CSNK2A1: variants seen among roughly 807,000 people sequenced by gnomAD.
The protein encoded by CSNK2A1 is casein kinase 2 alpha 1, also known as casein kinase II subunit alpha.
Under a neutral mutation model 62.9 loss-of-function variants are expected in CSNK2A1, and 10 were observed. The ratio of observed to expected loss-of-function variants is 0.16; its 90% CI spans 0.10 to 0.27. The LOEUF (loss-of-function observed/expected upper bound fraction) is 0.27, where lower values mean the gene tolerates loss of function less well. CSNK2A1 is among the 10% of genes least tolerant of loss of function. The probability of loss-of-function intolerance (pLI) is 1.00; values close to 1 mark genes in which losing one functional copy is unlikely to be tolerated. For synonymous variants in CSNK2A1, 124 were observed against 167.8 expected, an observed-to-expected ratio of 0.74 and a Z score of 2.02; for missense variants, 160 against 492.0, an observed-to-expected ratio of 0.33 and a Z score of 6.38.
At position 483,964 on chromosome 20, in the gene CSNK2A1, C is replaced by T. The variant is rs1216455285; in HGVS notation, c.1173G>A (p.Gln391=). 3 of 1,611,754 alleles carry T rather than the reference C, an allele frequency of 1.9e-6. No homozygotes were observed. The highest frequency in any genetic ancestry group is 4.5e-5 in the East Asian group (2 of 44,652). Residue 391 remains glutamine, a synonymous_variant, in exon 14 of 14, where the codon CAG becomes CAA. Coordinates refer to ENST00000217244, the MANE Select transcript of CSNK2A1 (RefSeq NM_177559.3). ...MPVPAAAGAQ[Q] is the part of the protein sequence containing the mutation. The stretch of plus-strand genomic sequence containing the variant: ...CATCAGGAGACAGATAGGGCCGTTA[C>T]TGCTGAGCGCCAGCGGCAGCTGGAA...
chr20:495,639 A>G, intron 8 of CSNK2A1, 80 bp downstream of exon 8: 1 of 1,245,124 alleles, frequency 8.0e-7, no homozygotes, highest in East Asian at 2.3e-5. Flanking sequence ...GGCCTGTGAC[A>G]ACACAAGGGA....
rs1178926037 is a variant in CSNK2A1, at chr20:483,033, TACAG to T, written c.*924_*927del. The T allele has an allele frequency of 6.6e-6, 1 of 152,274 alleles. No homozygotes were observed. The highest frequency in any genetic ancestry group is 2.4e-5 in the African/African-American group (1 of 41,442). 9.4% of individuals were successfully genotyped at this position (152,274 alleles called of 1,614,324 possible). On this transcript the variant is annotated 3_prime_UTR_variant, in exon 14 of 14. Transcript: ENST00000217244. ...CCCATTAGCTCTAGCATGAAACCTGTACAGACAATGTTTGTTTCTTTTGTAAAAA... is the reference window on the plus strand; with the variant it reads ...CCCATTAGCTCTAGCATGAAACCTGTACAATGTTTGTTTCTTTTGTAAAAA...
At chr20:505,375 T>TTC (rs2018555371) in intron 3 of CSNK2A1, 146 bp from the exon 4 acceptor site, 2 of 637,360 alleles carry the variant, frequency 3.1e-6, no homozygotes, top group African/African-American at 3.9e-5. Flanking sequence ...TTTTTTTTTT[T>TTC]TGGAGATGGA....
chr20:541,332 A>G (rs2019444391), intron 1 of CSNK2A1, among the ~76,000 whole-genome samples: 1 of 152,198 alleles, frequency 6.6e-6, no homozygotes, highest in African/African-American at 2.4e-5. Context: ...TCTGGGGATC[A>G]AGGTATGGCA....
At chr20:520,983 A>G (rs551260231) in intron 2 of CSNK2A1, among the ~76,000 whole-genome samples, 278 of 150,840 alleles carry the variant, frequency 1.8e-3, no homozygotes, top group Middle Eastern at 3.4e-3. Flanking sequence ...TCTGGGGGGG[A>G]AAAAAAAAGA....
chr20:522,363 G>C (rs1389621917), intron 2 of CSNK2A1, among the ~76,000 whole-genome samples: 2 of 152,204 alleles, frequency 1.3e-5, no homozygotes, highest in African/African-American at 2.4e-5. Context: ...ATATGCCCCT[G>C]ATATAATGTG....
intron 1 of CSNK2A1, among the ~76,000 whole-genome samples, chr20:537,822 T>A (rs534365924): frequency 6.6e-6 from 1 of 152,244 alleles, no homozygotes. Flanking sequence ...AGTATCACAT[T>A]ATTTATTACC....
At chr20:519,314 T>C (rs189512410) in intron 2 of CSNK2A1, among the ~76,000 whole-genome samples, 2 of 152,172 alleles carry the variant, frequency 1.3e-5, no homozygotes, top group Non-Finnish European at 2.9e-5. Context: ...GTTGAAAATA[T>C]CCCAGAAGCA....
At chr20:519,581 C>T (rs1011624011) in intron 2 of CSNK2A1, among the ~76,000 whole-genome samples, 1 of 152,006 alleles carries the variant, frequency 6.6e-6, no homozygotes, top group Non-Finnish European at 1.5e-5. Flanking sequence ...CAAGCAAGTA[C>T]AGAAAAAGGC....
chr20:488,045 T>C (rs1600370885), intron 11 of CSNK2A1: 1 of 168,450 alleles, frequency 5.9e-6, no homozygotes, highest in Non-Finnish European at 1.3e-5. Context: ...ATAGCCTTTT[T>C]TTTTTTTTTT....
chr20:496,035 T>G, intron 7 of CSNK2A1: 1 of 473,626 alleles, frequency 2.1e-6, no homozygotes, highest in Non-Finnish European at 3.9e-6. Flanking sequence ...CAACATGTTT[T>G]CTGTCCTAAA....
At chr20:510,599 T>C (rs552697664) in intron 2 of CSNK2A1, among the ~76,000 whole-genome samples, 1 of 152,314 alleles carries the variant, frequency 6.6e-6, no homozygotes, top group Admixed American at 6.5e-5. Context: ...TGTGTATATA[T>C]ATAGCACACA....
At position 478,646 on chromosome 20, in the gene CSNK2A1, G is replaced by A; in HGVS notation, c.*5315C>T. On this transcript the variant is annotated 3_prime_UTR_variant, in exon 14 of 14. Coordinates refer to ENST00000217244, the MANE Select transcript of CSNK2A1 (RefSeq NM_177559.3). ...ATTGAGGCCAATAAGAATCCCTAGT[G>A]GGCCAGGTGTGGTGGCTCATGCCTC... 1 of 434,602 alleles carries A rather than the reference G, an allele frequency of 2.3e-6. No homozygotes were observed. Among genetic ancestry groups the A allele is most frequent in the Non-Finnish European group, 4.6e-6 (1 of 218,178 alleles). The allele number at this position is 434,602 out of a possible 1,614,324, so 26.9% of individuals were successfully genotyped here.
intron 1 of CSNK2A1, among the ~76,000 whole-genome samples, chr20:535,183 T>C (rs1017343243): frequency 1.3e-5 from 2 of 151,268 alleles, no homozygotes; most frequent in South Asian, 2.1e-4. Flanking sequence ...TGGTGAGACC[T>C]TGTCTCTACA....
Position 476,168 on chromosome 20 carries a change from G to C in CSNK2A1, c.*7793C>G, listed in dbSNP as rs563399263. On this transcript the variant is annotated 3_prime_UTR_variant, in exon 14 of 14. Transcript: ENST00000217244. ...TTGGCAGCTGAAACTTGTTAGGCTG[G>C]GCCTCTCCCTCGCCAGTTCAGGCAG... 6.6e-6 allele frequency: 1 copy of C among 152,386 alleles called. No individual in the cohort carries two copies. The highest frequency in any genetic ancestry group is 1.5e-5 in the Non-Finnish European group (1 of 68,196). The allele number at this position is 152,386 out of a possible 1,614,324, so 9.4% of individuals were successfully genotyped here. A position where few individuals can be genotyped will look rare whatever the true frequency, so the allele number is the denominator to read the frequency against.
At chr20:493,433 A>G (rs978742314) in intron 8 of CSNK2A1, among the ~76,000 whole-genome samples, 6 of 152,130 alleles carry the variant, frequency 3.9e-5, no homozygotes, top group Admixed American at 2.0e-4. Context: ...AAAAATAATT[A>G]AATATTTAAA....
At chr20:532,698 C>CGT (rs1469544885) in intron 1 of CSNK2A1, among the ~76,000 whole-genome samples, 1 of 152,138 alleles carries the variant, frequency 6.6e-6, no homozygotes, top group African/African-American at 2.4e-5. Flanking sequence ...GTGGAGATCA[C>CGT]GACCTGAATA....
intron 2 of CSNK2A1, among the ~76,000 whole-genome samples, chr20:522,370 T>C (rs1023660031): frequency 1.3e-5 from 2 of 152,242 alleles, no homozygotes; most frequent in African/African-American, 4.8e-5. Context: ...CCTGATATAA[T>C]GTGATGAGAA....
chr20:535,185 G>A (rs1042471456), intron 1 of CSNK2A1, among the ~76,000 whole-genome samples: 1 of 151,654 alleles, frequency 6.6e-6, no homozygotes, highest in African/African-American at 2.4e-5. Flanking sequence ...GTGAGACCTT[G>A]TCTCTACAAA....
Sources: allele counts gnomAD v4.1 joint callset (sites outside exome capture counted in the v4.1 genomes callset), GRCh38; gene constraint gnomAD v4.1.1; transcripts MANE v1.5; gene names NCBI Gene and HGNC (gene_info 2026-07-23, HGNC 2026-07-21).